PPFIA2: variants seen among roughly 807,000 people sequenced by gnomAD.
The protein encoded by PPFIA2 is liprin-alpha-2.
Under a neutral mutation model 175.5 loss-of-function variants are expected in PPFIA2, and 46 were observed. The observed-to-expected ratio is 0.26, with a 90% CI of 0.21 to 0.34. The LOEUF (loss-of-function observed/expected upper bound fraction) is 0.34. Ranked by LOEUF, PPFIA2 falls within the 10% of genes least tolerant of loss-of-function variation. PPFIA2 has a pLI of 1.00. For synonymous variants in PPFIA2, 568 were observed against 511.4 expected (o/e 1.11, Z -1.49); for missense variants, 1,179 against 1,506.1 (o/e 0.78, Z 3.60).
At chr12:81,542,075 T>C (rs185769704) in intron 4 of PPFIA2, among the ~76,000 whole-genome samples, 1 of 152,244 alleles carries the variant, frequency 6.6e-6, no homozygotes, top group Admixed American at 6.6e-5. Context: ...TTACGAACAT[T>C]ACCTTATATG....
chr12:81,713,059 T>G (rs1363706219), intron 3 of PPFIA2, among the ~76,000 whole-genome samples: 2 of 151,272 alleles, frequency 1.3e-5, no homozygotes, highest in African/African-American at 2.4e-5. Context: ...CAATTAAATA[T>G]TATGCCAAAT....
intron 5 of PPFIA2, among the ~76,000 whole-genome samples, chr12:81,448,783 C>T (rs1341803265): frequency 6.6e-6 from 1 of 152,166 alleles, no homozygotes; most frequent in Non-Finnish European, 1.5e-5. Flanking sequence ...ACTTCACCTT[C>T]GCTTTCATAT....
chr12:81,666,996 T>C (rs1255356909), intron 4 of PPFIA2, among the ~76,000 whole-genome samples: 1 of 152,108 alleles, frequency 6.6e-6, no homozygotes, highest in Admixed American at 6.6e-5. Flanking sequence ...TATAATTTTA[T>C]TAACTTTTAA....
intron 8 of PPFIA2, among the ~76,000 whole-genome samples, chr12:81,399,420 C>T (rs2041759890): frequency 6.6e-6 from 1 of 150,828 alleles, no homozygotes; most frequent in African/African-American, 2.4e-5. Flanking sequence ...TCTTAGTTAA[C>T]ACACAATAAC....
At chr12:81,533,601 T>C (rs1378881772) in intron 4 of PPFIA2, among the ~76,000 whole-genome samples, 2 of 151,466 alleles carry the variant, frequency 1.3e-5, no homozygotes, top group African/African-American at 2.4e-5. Context: ...TAAGAAATAG[T>C]TTTATAGTTA....
intron 4 of PPFIA2, among the ~76,000 whole-genome samples, chr12:81,483,876 T>A (rs148902612): frequency 2.6e-4 from 39 of 152,196 alleles, no homozygotes; most frequent in African/African-American, 9.1e-4. Context: ...ATAAATGTAA[T>A]CATTTCAAAG....
intron 20 of PPFIA2, among the ~76,000 whole-genome samples, chr12:81,339,798 T>C (rs2057753674): frequency 6.6e-6 from 1 of 152,154 alleles, no homozygotes; most frequent in South Asian, 2.1e-4. Flanking sequence ...CCTCTAGCCA[T>C]CGTTCCCTTT....
At chr12:81,748,773 A>C (rs1423267404) in intron 3 of PPFIA2, among the ~76,000 whole-genome samples, 1 of 144,694 alleles carries the variant, frequency 6.9e-6, no homozygotes, top group Non-Finnish European at 1.5e-5. Context: ...TAACTGATGA[A>C]TATTATGTAA....
chr12:81,484,523 A>C (rs750338910), intron 4 of PPFIA2, among the ~76,000 whole-genome samples: 4 of 152,016 alleles, frequency 2.6e-5, no homozygotes, highest in Non-Finnish European at 5.9e-5. Context: ...CATTTGCCAT[A>C]ATGAATTTAT....
At chr12:81,267,117 C>T in intron 29 of PPFIA2, 97 bp from the exon 30 acceptor site, 2 of 911,136 alleles carry the variant, frequency 2.2e-6, no homozygotes, top group Non-Finnish European at 3.4e-6. Flanking sequence ...ATAAACCATA[C>T]TTTATTTATG....
At chr12:81,635,224 G>A (rs1256255649) in intron 4 of PPFIA2, among the ~76,000 whole-genome samples, 1 of 151,988 alleles carries the variant, frequency 6.6e-6, no homozygotes, top group African/African-American at 2.4e-5. Flanking sequence ...CTGAACCTTG[G>A]TGACTTTCTT....
At chr12:81,319,875 T>C (rs1282915255) in intron 22 of PPFIA2, among the ~76,000 whole-genome samples, 1 of 151,964 alleles carries the variant, frequency 6.6e-6, no homozygotes, top group Non-Finnish European at 1.5e-5. Flanking sequence ...TGCAAGTGAA[T>C]CCTTCTTTTT....
intron 3 of PPFIA2, among the ~76,000 whole-genome samples, chr12:81,713,808 T>A (rs1351861322): frequency 6.6e-6 from 1 of 151,320 alleles, no homozygotes; most frequent in Non-Finnish European, 1.5e-5. Flanking sequence ...ACTATTCCCA[T>A]CATTGAGAAA....
chr12:81,712,357 T>C (rs955120654), intron 3 of PPFIA2, among the ~76,000 whole-genome samples: 1 of 151,426 alleles, frequency 6.6e-6, no homozygotes, highest in African/African-American at 2.4e-5. Flanking sequence ...TATTTTCTAT[T>C]GATATGTTCC....
Position 81,445,800 on chromosome 12 carries a change from T to A in PPFIA2, c.406-80A>T. ...TACAAATGACTTCCCCCTTAAATTATTGCAGGCTTACATAGTATCTAATGT... is the reference window on the plus strand; with the variant it reads ...TACAAATGACTTCCCCCTTAAATTAATGCAGGCTTACATAGTATCTAATGT... On this transcript the variant is annotated intron_variant, in intron 5 of 32. Coordinates refer to ENST00000549396, the MANE Select transcript of PPFIA2 (RefSeq NM_003625.5). 2.9e-6 allele frequency: 4 copies of A among 1,368,336 alleles called. No homozygotes were observed. In the Admixed American group the frequency reaches 8.6e-5, roughly 29 times the overall value. The allele number at this position is 1,368,336 out of a possible 1,614,324, so 84.8% of individuals were successfully genotyped here.
At chr12:81,355,174 A>T (rs923225450) in intron 16 of PPFIA2, among the ~76,000 whole-genome samples, 2 of 152,154 alleles carry the variant, frequency 1.3e-5, no homozygotes, top group Non-Finnish European at 2.9e-5. Context: ...AGCAGGCACG[A>T]AAAAAACAAT....
intron 4 of PPFIA2, among the ~76,000 whole-genome samples, chr12:81,514,116 C>T (rs918823060): frequency 6.6e-6 from 1 of 151,910 alleles, no homozygotes; most frequent in African/African-American, 2.4e-5. Context: ...CTAGAACTTC[C>T]AGAATTTAAT....
chr12:81,319,894 T>C (rs1461078547), intron 22 of PPFIA2, among the ~76,000 whole-genome samples: 1 of 151,956 alleles, frequency 6.6e-6, no homozygotes, highest in Non-Finnish European at 1.5e-5. Context: ...TTGCTTTATC[T>C]ACCCAGAGAC....
intron 4 of PPFIA2, among the ~76,000 whole-genome samples, chr12:81,555,460 A>G (rs1027013346): frequency 5.9e-5 from 9 of 152,004 alleles, no homozygotes; most frequent in Non-Finnish European, 1.0e-4. Context: ...ATGTTGGCAC[A>G]TTAATCCTTT....
Sources: gnomAD v4.1 joint callset for allele counts (sites outside exome capture counted in the v4.1 genomes callset) on GRCh38, gnomAD v4.1.1 for gene constraint, MANE v1.5 for transcripts, NCBI Gene and HGNC (gene_info 2026-07-23, HGNC 2026-07-21) for gene names.